NPEPPS: variants seen among roughly 807,000 people sequenced by gnomAD.
NPEPPS encodes the protein puromycin-sensitive aminopeptidase.
NPEPPS carries 14 observed loss-of-function variants against 115.5 expected under a neutral mutation model. The observed-to-expected ratio is 0.12, with a 90% CI of 0.08 to 0.19. The LOEUF is 0.19. Among genes scored for constraint, NPEPPS ranks in the 10% least tolerant of loss-of-function variants. The pLI is 1.00. For synonymous variants in NPEPPS, 285 were observed against 390.6 expected (o/e 0.73, Z 3.19); for missense variants, 523 against 1,110.8 (o/e 0.47, Z 7.52).
Position 47,618,501 on chromosome 17 carries a change from ATC to A in NPEPPS, c.2403+48_2403+49del, listed in dbSNP as rs775601403. ...TGCATTTAGAAGTGAATCGTTACCC[ATC>A]TCTGAGAAGTGTCTCTGATTCAGCT... On this transcript the variant is annotated intron_variant, in intron 20 of 22. Coordinates refer to ENST00000322157, the MANE Select transcript of NPEPPS (RefSeq NM_006310.4). 4 of 1,307,474 alleles carry A rather than the reference ATC, an allele frequency of 3.1e-6. No homozygotes were observed. The South Asian group carries it at 3.5e-5, about 12-fold the overall frequency. 81.0% of individuals were successfully genotyped at this position (1,307,474 alleles called of 1,614,324 possible). A position where few individuals can be genotyped will look rare whatever the true frequency, so the allele number is the denominator to read the frequency against.
intron 1 of NPEPPS, among the ~76,000 whole-genome samples, chr17:47,538,505 C>T (rs557971296): frequency 8.7e-4 from 131 of 149,994 alleles, no homozygotes; most frequent in African/African-American, 2.8e-3. Context: ...TGAACCACCG[C>T]GCCTAGTCCA....
At chr17:47,606,026 T>C (rs902138311) in intron 17 of NPEPPS, among the ~76,000 whole-genome samples, 1 of 152,014 alleles carries the variant, frequency 6.6e-6, no homozygotes, top group Non-Finnish European at 1.5e-5. Flanking sequence ...TACAGGCATG[T>C]GCCACCACGC....
chr17:47,527,513 AC>A (rs1907483596), upstream of NPEPPS, among the ~76,000 whole-genome samples: 1 of 151,886 alleles, frequency 6.6e-6, no homozygotes, highest in South Asian at 2.1e-4. Flanking sequence ...AAGAAAAAAA[AC>A]AAAATGTTTA....
chr17:47,584,661 A>G (rs1406809250), intron 5 of NPEPPS, among the ~76,000 whole-genome samples: 1 of 152,206 alleles, frequency 6.6e-6, no homozygotes, highest in African/African-American at 2.4e-5. Flanking sequence ...AGAGAGCTTG[A>G]GGAAACAGAG....
intron 1 of NPEPPS, among the ~76,000 whole-genome samples, chr17:47,535,242 CAAAAA>C (rs1163530675): frequency 1.8e-4 from 10 of 57,110 alleles, no homozygotes; most frequent in African/African-American, 7.7e-4. Flanking sequence ...GACTCTGTCT[CAAAAA>C]AAAAAAAAAA....
intron 1 of NPEPPS, among the ~76,000 whole-genome samples, chr17:47,540,847 A>G (rs567474157): frequency 2.4e-4 from 37 of 152,296 alleles, no homozygotes; most frequent in African/African-American, 7.9e-4. Context: ...TGCATCTCTA[A>G]TATAAGACAA....
chr17:47,532,296 G>C (rs531761403), intron 1 of NPEPPS, among the ~76,000 whole-genome samples: 17 of 152,202 alleles, frequency 1.1e-4, no homozygotes, highest in African/African-American at 4.1e-4. Context: ...TATCTTCCTA[G>C]CTTTGCGGCC....
rs554752114 is a variant in NPEPPS at position 47,548,662 on chromosome 17, C to T, written c.340+2669C>T. ...AACGATCTCGGCTTGCTGCAACCTC[C>T]GCCTCTGGGGTTCAAGCAATTCTTC... is the stretch of plus-strand genomic sequence containing the variant. On this transcript the variant is annotated intron_variant, in intron 2 of 22. Transcript: ENST00000322157. Among the ~76,000 whole-genome samples, 12 of 150,700 alleles carry T rather than the reference C, an allele frequency of 8.0e-5. No individual in the cohort carries two copies. The East Asian group carries it at 1.4e-3, about 17-fold the overall frequency.
In NPEPPS at chr17:47,592,534, A is replaced by G. The variant is rs1469652082; in HGVS notation, c.1415A>G (p.Asn472Ser). ...TATTTAACCAAGTTCCAACAAAAGAATGCTGCCACAGGTAATCTCTAATAG... is the reference window on the plus strand; with the variant it reads ...TATTTAACCAAGTTCCAACAAAAGAGTGCTGCCACAGGTAATCTCTAATAG... ...NMYLTKFQQK[N>S]AATEDLWESL... The change falls in exon 12 of 23, where the codon AAT (asparagine) becomes AGT (serine). Residue 472 changes from asparagine (N) to serine (S), a missense_variant. Asn to Ser is a conservative substitution (Grantham distance 46). This residue lies in a region of NPEPPS where 372 missense variants were observed against 542.6 expected (regional missense o/e 0.69). Coordinates refer to ENST00000322157, the MANE Select transcript of NPEPPS (RefSeq NM_006310.4). 2 of 1,595,288 alleles carry G rather than the reference A, an allele frequency of 1.3e-6. No homozygotes were observed. The highest frequency in any genetic ancestry group is 1.3e-5 in the African/African-American group (1 of 74,676).
chr17:47,608,034 A>T (rs939943846), intron 17 of NPEPPS, among the ~76,000 whole-genome samples: 4 of 151,048 alleles, frequency 2.6e-5, no homozygotes, highest in Non-Finnish European at 5.9e-5. Context: ...AAAAGATGAG[A>T]CTTCACTGTG....
chr17:47,601,337 G>T (rs1455889220), intron 14 of NPEPPS, among the ~76,000 whole-genome samples: 1 of 152,038 alleles, frequency 6.6e-6, no homozygotes, highest in Non-Finnish European at 1.5e-5. Context: ...GGGGGAAAAT[G>T]ATAATTAAGT....
Position 47,592,001 on chromosome 17 carries a change from A to G in NPEPPS, c.1306A>G (p.Ile436Val), listed in dbSNP as rs1388937997. 7.6e-7 allele frequency: 1 copy of G among 1,322,740 alleles called. No individual in the cohort carries two copies. Among genetic ancestry groups the G allele is most frequent in the Non-Finnish European group, 1.1e-6 (1 of 932,332 alleles). The allele number at this position is 1,322,740 out of a possible 1,614,324, so 81.9% of individuals were successfully genotyped here. Residue 436 changes from isoleucine (I) to valine (V), a missense_variant, in exon 11 of 23, where the codon ATA (isoleucine) becomes GTA (valine). By Grantham distance (29) the Ile-to-Val change is conservative. Transcript: ENST00000322157. ...TGAGGTTGATGAGATATTTGATGCT[A>G]TATCATATAGCAAAGGTGCATCTGT... is the stretch of plus-strand genomic sequence containing the variant. Reference protein sequence around the residue: ...PSEVDEIFDAISYSKGASVIR... With the variant: ...PSEVDEIFDAVSYSKGASVIR...
rs1274235948 is a variant in NPEPPS, at chr17:47,619,006, T to C, written c.2404-3T>C. The C allele has an allele frequency of 6.2e-7, 1 of 1,608,406 alleles. No individual in the cohort carries two copies. Among genetic ancestry groups the C allele is most frequent in the Non-Finnish European group, 8.5e-7 (1 of 1,177,404 alleles). ...AGACTTTTAGCTCTCTTTCTTTTTT[T>C]AGGAAGAGGTACGTCCACAGGACAC... On this transcript the variant is annotated splice_region_variant and splice_polypyrimidine_tract_variant and intron_variant, in intron 20 of 22. Coordinates refer to ENST00000322157, the MANE Select transcript of NPEPPS (RefSeq NM_006310.4).
In NPEPPS at chr17:47,599,754, G is replaced by A. The variant is rs1199174755; in HGVS notation, c.1600+15G>A. 6.5e-7 allele frequency: 1 copy of A among 1,544,898 alleles called. No individual in the cohort carries two copies. On this transcript the variant is annotated intron_variant, in intron 14 of 22. Transcript: ENST00000322157. ...GTCATATGTTGGTAAGTAAATGGCTGTAAGTGAGATATGATTGATGAATTT... is the reference window on the plus strand; with the variant it reads ...GTCATATGTTGGTAAGTAAATGGCTATAAGTGAGATATGATTGATGAATTT...
At position 47,599,735 on chromosome 17, in the gene NPEPPS, T is replaced by C. The variant is rs1223563581; in HGVS notation, c.1596T>C (p.Tyr532=). ...SQKKFCAGGS[Y]VGEDCPQWMV... The stretch of plus-strand genomic sequence containing the variant: ...AGAAGTTCTGTGCTGGTGGGTCATA[T>C]GTTGGTAAGTAAATGGCTGTAAGTG... Residue 532 remains tyrosine (Y), a synonymous_variant, in exon 14 of 23, where the codon TAT becomes TAC. Coordinates refer to ENST00000322157, the MANE Select transcript of NPEPPS (RefSeq NM_006310.4). 9.6e-6 allele frequency: 15 copies of C among 1,559,288 alleles called. No homozygotes were observed. The highest frequency in any genetic ancestry group is 1.2e-5 in the Non-Finnish European group (14 of 1,149,766).
chr17:47,560,365 T>G (rs1172202784), intron 2 of NPEPPS, among the ~76,000 whole-genome samples: 1 of 152,174 alleles, frequency 6.6e-6, no homozygotes, highest in Non-Finnish European at 1.5e-5. Context: ...TAGAAGGAAT[T>G]TTTTGGTTCT....
At chr17:47,590,665 T>C (rs1912445631) in intron 9 of NPEPPS, 52 bp from the exon 10 acceptor site, 4 of 1,560,778 alleles carry the variant, frequency 2.6e-6, no homozygotes, top group Non-Finnish European at 3.5e-6. Flanking sequence ...TTTAGATTAG[T>C]AGAATGACAA....
chr17:47,616,190 G>A (rs1914187488), intron 19 of NPEPPS, among the ~76,000 whole-genome samples: 1 of 152,130 alleles, frequency 6.6e-6, no homozygotes, highest in Non-Finnish European at 1.5e-5. Flanking sequence ...AGATCACACA[G>A]CTAGTTAGAG....
At chr17:47,610,042 C>A (rs1411046751) in intron 17 of NPEPPS, among the ~76,000 whole-genome samples, 1 of 151,968 alleles carries the variant, frequency 6.6e-6, no homozygotes, top group Admixed American at 6.6e-5. Flanking sequence ...AGAGATAATT[C>A]ACATACCATA....
Sources: allele counts gnomAD v4.1 joint callset (sites outside exome capture counted in the v4.1 genomes callset), GRCh38; gene constraint gnomAD v4.1.1; regional missense constraint gnomAD v4.1.1; transcripts MANE v1.5; gene names NCBI Gene and HGNC (gene_info 2026-07-23, HGNC 2026-07-21).